The following DCHS2 variants were observed in gnomAD, a reference collection of about 807,000 sequenced individuals.
DCHS2 encodes the protein protocadherin-23.
A neutral mutation model predicts 182.4 loss-of-function variants in DCHS2; 142 were observed. That is an observed-to-expected ratio of 0.78 (90% CI 0.68 to 0.89). The LOEUF (loss-of-function observed/expected upper bound fraction) is 0.89. Among genes scored for constraint, DCHS2 ranks in the 40% least tolerant of loss-of-function variants. DCHS2 has a pLI of 0.00. For synonymous variants in DCHS2, 1,740 were observed against 1,663.3 expected (o/e 1.05, Z -1.12); for missense variants, 4,319 against 4,198.6 (o/e 1.03, Z -0.79).
intron 1 of DCHS2, among the ~76,000 whole-genome samples, chr4:154,428,288 C>T (rs545392711): frequency 6.6e-6 from 1 of 152,224 alleles, no homozygotes; most frequent in Admixed American, 6.5e-5. Flanking sequence ...TGCTTATAAT[C>T]CCAGAACTTT....
intron 1 of DCHS2, among the ~76,000 whole-genome samples, chr4:154,385,422 C>T (rs1241060892): frequency 6.6e-6 from 1 of 152,054 alleles, no homozygotes; most frequent in Non-Finnish European, 1.5e-5. Context: ...TGTTTATAAT[C>T]CTTTGGGTAT....
intron 13 of DCHS2, among the ~76,000 whole-genome samples, chr4:154,274,147 A>T (rs1561003271): frequency 1.3e-5 from 2 of 152,338 alleles, no homozygotes; most frequent in East Asian, 3.9e-4. Context: ...TATCGCTGTC[A>T]GCAGGGAAAA....
rs145849402 is a variant in DCHS2, at chr4:154,237,884, T to C, written c.7493-725A>G. ...CGGCCATCATTTAATGTTTTAAAAA[T>C]ATTTGAATCAATAGCTTAGTGCGTT... On this transcript the variant is annotated intron_variant, in intron 19 of 19. Coordinates refer to ENST00000357232, the MANE Select transcript of DCHS2 (RefSeq NM_001358235.2). Among the ~76,000 whole-genome samples the C allele has an allele frequency of 1.6e-3, 250 of 152,340 alleles. 1 individual carries two copies. Among genetic ancestry groups the C allele is most frequent in the Admixed American group, 3.2e-3 (49 of 15,300 alleles).
intron 1 of DCHS2, among the ~76,000 whole-genome samples, chr4:154,386,817 C>T (rs1731442181): frequency 6.6e-6 from 1 of 152,126 alleles, no homozygotes; most frequent in Non-Finnish European, 1.5e-5. Context: ...AGAGGAAACA[C>T]ATAAGAACAA....
chr4:154,265,919 A>T (rs2111190393), intron 14 of DCHS2, among the ~76,000 whole-genome samples: 1 of 152,300 alleles, frequency 6.6e-6, no homozygotes, highest in Non-Finnish European at 1.5e-5. Context: ...ACCAAACCCT[A>T]TATATACTAT....
chr4:154,420,006 T>G (rs1733037365), intron 1 of DCHS2, among the ~76,000 whole-genome samples: 1 of 152,050 alleles, frequency 6.6e-6, no homozygotes, highest in Admixed American at 6.6e-5. Flanking sequence ...TCCTTTTTGG[T>G]AGCAGTACAG....
chr4:154,428,952 T>G (rs1049045416), intron 1 of DCHS2, among the ~76,000 whole-genome samples: 9 of 139,248 alleles, frequency 6.5e-5, no homozygotes, highest in Non-Finnish European at 1.4e-4. Flanking sequence ...AAGCTACTGA[T>G]AGAGAATCAA....
chr4:154,454,847 C>A (rs1433662745), intron 1 of DCHS2, among the ~76,000 whole-genome samples: 1 of 152,204 alleles, frequency 6.6e-6, no homozygotes, highest in African/African-American at 2.4e-5. Context: ...ACAGAGCTAA[C>A]CCTGTGACCT....
At chr4:154,468,933 G>A (rs759058699) in intron 1 of DCHS2, among the ~76,000 whole-genome samples, 8 of 152,124 alleles carry the variant, frequency 5.3e-5, no homozygotes, top group Non-Finnish European at 1.2e-4. Flanking sequence ...CGTGAAGAAG[G>A]AAGGAAACGG....
At position 154,332,864 on chromosome 4, in the gene DCHS2, C is replaced by G; in HGVS notation, c.3344G>C (p.Arg1115Pro). Residue 1115 changes from arginine (R) to proline (P), a missense_variant, in exon 5 of 20, where the codon CGT (arginine) becomes CCT (proline). Transcript: ENST00000357232. ...CGAGTACCTAAGAGGCGAGGCTGCA[C>G]GCTGGGGGCCAAGTGGGTGCGCCTG... ...QTQAHPLGPQ[R>P]AASPLRYSLE... The G allele has an allele frequency of 4.3e-6, 7 of 1,614,234 alleles. 1 individual carries two copies. In the South Asian group the frequency reaches 4.4e-5, roughly 10 times the overall value.
chr4:154,247,115 A>G (rs938032747), intron 16 of DCHS2, among the ~76,000 whole-genome samples: 3 of 152,230 alleles, frequency 2.0e-5, no homozygotes, highest in African/African-American at 7.2e-5. Context: ...TCACATTTTA[A>G]AATACTATGG....
intron 1 of DCHS2, among the ~76,000 whole-genome samples, chr4:154,454,909 G>A (rs919588666): frequency 2.6e-5 from 4 of 152,208 alleles, no homozygotes; most frequent in African/African-American, 9.6e-5. Flanking sequence ...GTGAAATACA[G>A]CTGACTTCAG....
intron 1 of DCHS2, among the ~76,000 whole-genome samples, chr4:154,474,750 T>C (rs566225447): frequency 2.6e-5 from 4 of 152,300 alleles, no homozygotes; most frequent in Non-Finnish European, 1.5e-5. Context: ...CCAATTTTTC[T>C]TATCCATGAA....
At position 154,490,499 on chromosome 4, in the gene DCHS2, A is replaced by T; in HGVS notation, c.857T>A (p.Val286Glu). ...RTGLLSVELR[V>E]LDENDNPPVF... is the part of the protein sequence containing the mutation. ...CGGCGGGTTGTCGTTCTCATCCAGCACGCGCAGCTCCACGCTCAGGAGGCC... is the reference window on the plus strand; with the variant it reads ...CGGCGGGTTGTCGTTCTCATCCAGCTCGCGCAGCTCCACGCTCAGGAGGCC... The change falls in exon 1 of 20, where the codon GTG (valine) becomes GAG (glutamate). Residue 286 changes from valine to glutamate, a missense_variant. Val to Glu is a moderately radical substitution (Grantham distance 121). Transcript: ENST00000357232. 1 of 1,536,962 alleles carries T rather than the reference A, an allele frequency of 6.5e-7. No individual in the cohort carries two copies. Among genetic ancestry groups the T allele is most frequent in the Non-Finnish European group, 8.7e-7 (1 of 1,146,444 alleles).
At chr4:154,395,207 T>G (rs1424111756) in intron 1 of DCHS2, among the ~76,000 whole-genome samples, 2 of 152,220 alleles carry the variant, frequency 1.3e-5, no homozygotes, top group Non-Finnish European at 2.9e-5. Context: ...TCATTAAGTA[T>G]GAGTACCACA....
intron 3 of DCHS2, among the ~76,000 whole-genome samples, chr4:154,350,337 C>A (rs995470857): frequency 1.3e-5 from 2 of 152,126 alleles, no homozygotes; most frequent in Admixed American, 1.3e-4. Context: ...CAAAAACAAG[C>A]AAATCATTGG....
intron 3 of DCHS2, chr4:154,354,674 A>G (rs1729777699): frequency 6.6e-6 from 1 of 152,202 alleles, no homozygotes; most frequent in African/African-American, 2.4e-5. Context: ...CACTGATGCT[A>G]AATATCTTCA....
chr4:154,392,044 G>A (rs908474109), intron 1 of DCHS2, among the ~76,000 whole-genome samples: 3 of 152,036 alleles, frequency 2.0e-5, no homozygotes, highest in African/African-American at 4.8e-5. Context: ...AAATGACACC[G>A]TTTTGTAAAC....
chr4:154,300,528 A>AAAAG (rs1735155851), intron 12 of DCHS2, among the ~76,000 whole-genome samples: 1 of 147,152 alleles, frequency 6.8e-6, no homozygotes, highest in African/African-American at 2.6e-5. Flanking sequence ...AAAAAAAAAA[A>AAAAG]GTTTTTAAGT....
Sources: gnomAD v4.1 joint callset for allele counts (sites outside exome capture counted in the v4.1 genomes callset) on GRCh38, gnomAD v4.1.1 for gene constraint, MANE v1.5 for transcripts, NCBI Gene and HGNC (gene_info 2026-07-23, HGNC 2026-07-21) for gene names.